BMP5: variants seen among roughly 807,000 people sequenced by gnomAD.
BMP5 encodes bone morphogenetic protein 5.
In BMP5, 23 loss-of-function variants were observed where a neutral mutation model predicts 46.6. The observed-to-expected ratio is 0.49, with a 90% CI of 0.35 to 0.70. The LOEUF (loss-of-function observed/expected upper bound fraction) is 0.70. BMP5 is among the 30% of genes least tolerant of loss of function. The probability of loss-of-function intolerance (pLI) is 0.00; values close to 1 mark genes in which losing one functional copy is unlikely to be tolerated. For synonymous variants in BMP5, 204 were observed against 191.9 expected (o/e 1.06, Z -0.52); for missense variants, 545 against 565.6 (o/e 0.96, Z 0.37).
chr6:55,792,322 A>C (rs1211347320), intron 3 of BMP5, among the ~76,000 whole-genome samples: 1 of 152,152 alleles, frequency 6.6e-6, no homozygotes, highest in Non-Finnish European at 1.5e-5. Context: ...TCACGAGGTC[A>C]GGAGATCGAG....
At chr6:55,834,909 T>G (rs953259937) in intron 1 of BMP5, among the ~76,000 whole-genome samples, 1 of 152,006 alleles carries the variant, frequency 6.6e-6, no homozygotes, top group Non-Finnish European at 1.5e-5. Context: ...GGCGAATCCA[T>G]GTCTGTACTA....
intron 1 of BMP5, among the ~76,000 whole-genome samples, chr6:55,870,722 AT>A (rs1327087398): frequency 6.6e-6 from 1 of 152,096 alleles, no homozygotes; most frequent in Non-Finnish European, 1.5e-5. Context: ...AACATAAAGC[AT>A]TTTTTCCTTC....
At chr6:55,867,703 T>A (rs1777683612) in intron 1 of BMP5, among the ~76,000 whole-genome samples, 1 of 152,166 alleles carries the variant, frequency 6.6e-6, no homozygotes, top group Admixed American at 6.5e-5. Flanking sequence ...AATTTTTGAA[T>A]AAGGGGCTTG....
intron 1 of BMP5, among the ~76,000 whole-genome samples, chr6:55,866,498 C>CA (rs1777642800): frequency 1.3e-5 from 2 of 152,074 alleles, no homozygotes; most frequent in Non-Finnish European, 2.9e-5. Context: ...ACTCAGAATT[C>CA]AAAAAAGCTT....
chr6:55,805,708 C>T (rs1008327541), intron 2 of BMP5, among the ~76,000 whole-genome samples: 1 of 152,190 alleles, frequency 6.6e-6, no homozygotes, highest in Non-Finnish European at 1.5e-5. Flanking sequence ...TCCTATCTCT[C>T]CACATCCTCA....
Position 55,874,734 on chromosome 6 carries a change from C to A in BMP5, c.132G>T (p.Arg44=). ...TTTGTATTTCCCGTCTTTCGTGGTT[C>A]CGTAGTCTTCTATAAATAAAACTGG... ...VHSSFIYRRL[R]NHERREIQRE... The change falls in exon 1 of 7, where the codon CGG becomes CGT. Residue 44 remains arginine, a synonymous_variant. Coordinates refer to ENST00000370830, the MANE Select transcript of BMP5 (RefSeq NM_021073.4). 6.2e-7 allele frequency: 1 copy of A among 1,613,480 alleles called. No homozygotes were observed. Among genetic ancestry groups the A allele is most frequent in the Non-Finnish European group, 8.5e-7 (1 of 1,179,668 alleles).
chr6:55,853,592 G>A (rs771383491), intron 1 of BMP5, among the ~76,000 whole-genome samples: 3 of 152,106 alleles, frequency 2.0e-5, no homozygotes, highest in Non-Finnish European at 2.9e-5. Flanking sequence ...CAGTGTCAAT[G>A]ACAAAATATT....
At chr6:55,776,937 C>T (rs867722690) in intron 3 of BMP5, among the ~76,000 whole-genome samples, 9 of 151,934 alleles carry the variant, frequency 5.9e-5, no homozygotes, top group South Asian at 2.1e-4. Flanking sequence ...GTTACAAATA[C>T]GGGTTTCTTG....
intron 1 of BMP5, among the ~76,000 whole-genome samples, chr6:55,822,872 C>A (rs1219663496): frequency 6.6e-6 from 1 of 151,986 alleles, no homozygotes; most frequent in Non-Finnish European, 1.5e-5. Context: ...ATTAAATATA[C>A]CACACAGAAC....
Position 55,819,716 on chromosome 6 carries a change from G to A in BMP5, c.622C>T (p.Arg208Ter), listed in dbSNP as rs372443249. Residue 208 changes from arginine (R) to a stop codon, truncating the protein, a stop_gained, in exon 2 of 7, where the codon CGA becomes TGA. Coordinates refer to ENST00000370830, the MANE Select transcript of BMP5 (RefSeq NM_021073.4). LOFTEE classifies it high-confidence loss of function. ...FRIYKDRSNN[R>*]FENETIKISI... ...ATCTTAATTGTTTCATTTTCAAATC[G>A]GTTGTTGCTCCGGTCCTTGTATATC... is the stretch of plus-strand genomic sequence containing the variant. The A allele has an allele frequency of 5.0e-6, 8 of 1,613,672 alleles. No individual in the cohort carries two copies. The highest frequency in any genetic ancestry group is 1.3e-5 in the African/African-American group (1 of 74,958).
intron 1 of BMP5, among the ~76,000 whole-genome samples, chr6:55,844,428 C>T (rs1182356195): frequency 2.0e-5 from 3 of 151,944 alleles, no homozygotes; most frequent in Non-Finnish European, 4.4e-5. Context: ...TAAAGCTATA[C>T]AATTTTATAG....
chr6:55,788,782 G>A lies in BMP5; in HGVS notation c.832+5497C>T, dbSNP rs114139653. Among the ~76,000 whole-genome samples, 1,203 of 151,818 alleles carry A rather than the reference G, an allele frequency of 7.9e-3. 14 individuals are homozygous for A. Among genetic ancestry groups the A allele is most frequent in the African/African-American group, 0.027 (1,123 of 41,504 alleles). ...CAGATTTTAATCTAATTTTCCTAAT[G>A]ATTTCTTTTTAAAATGTTTATTTCC... is the stretch of plus-strand genomic sequence containing the variant. On this transcript the variant is annotated intron_variant, in intron 3 of 6. Transcript: ENST00000370830.
chr6:55,860,571 G>A (rs776373208), intron 1 of BMP5, among the ~76,000 whole-genome samples: 32 of 152,132 alleles, frequency 2.1e-4, no homozygotes, highest in Non-Finnish European at 7.3e-5. Context: ...GATTGGGTAC[G>A]AGTGGCTAAA....
chr6:55,831,645 T>TAA (rs760466531), intron 1 of BMP5, among the ~76,000 whole-genome samples: 1 of 141,170 alleles, frequency 7.1e-6, no homozygotes, highest in South Asian at 2.2e-4. Context: ...CTTTAAAAAA[T>TAA]AAAAAAAAAA....
chr6:55,756,999 CA>C (rs1279515526), intron 6 of BMP5, among the ~76,000 whole-genome samples: 1 of 151,908 alleles, frequency 6.6e-6, no homozygotes, highest in African/African-American at 2.4e-5. Context: ...GAAAAAAAAT[CA>C]AACTTCACGT....
intron 4 of BMP5, among the ~76,000 whole-genome samples, chr6:55,762,195 C>T (rs916708318): frequency 2.0e-5 from 3 of 151,528 alleles, no homozygotes; most frequent in East Asian, 3.9e-4. Context: ...AAATAACATT[C>T]GAAAAACTAG....
chr6:55,863,739 A>G (rs1198190238), intron 1 of BMP5, among the ~76,000 whole-genome samples: 1 of 152,208 alleles, frequency 6.6e-6, no homozygotes, highest in African/African-American at 2.4e-5. Flanking sequence ...TAGTGACATC[A>G]TAGCCATCAT....
chr6:55,859,964 A>T (rs1777490630), intron 1 of BMP5, among the ~76,000 whole-genome samples: 1 of 152,216 alleles, frequency 6.6e-6, no homozygotes, highest in Non-Finnish European at 1.5e-5. Context: ...TGGCCACAAA[A>T]TTTCAGACAA....
At chr6:55,863,756 G>A (rs1027191117) in intron 1 of BMP5, among the ~76,000 whole-genome samples, 2 of 152,082 alleles carry the variant, frequency 1.3e-5, no homozygotes, top group Admixed American at 6.6e-5. Context: ...TCATAATGTA[G>A]CACAACCAAT....
Sources: gnomAD v4.1 joint callset for allele counts (sites outside exome capture counted in the v4.1 genomes callset) on GRCh38, gnomAD v4.1.1 for gene constraint, MANE v1.5 for transcripts, NCBI Gene and HGNC (gene_info 2026-07-23, HGNC 2026-07-21) for gene names.